SLC13A2: variants seen among roughly 807,000 people sequenced by gnomAD.
SLC13A2 encodes solute carrier family 13 member 2.
A neutral mutation model predicts 58.5 loss-of-function variants in SLC13A2; 40 were observed. The observed-to-expected ratio is 0.68, with a 90% CI of 0.53 to 0.89. The LOEUF is 0.89. SLC13A2 is among the 40% of genes least tolerant of loss of function. The probability of loss-of-function intolerance (pLI) is 0.00; values close to 1 mark genes in which losing one functional copy is unlikely to be tolerated. For synonymous variants in SLC13A2, 341 were observed against 331.6 expected (o/e 1.03, Z -0.31); for missense variants, 694 against 772.6 (o/e 0.90, Z 1.21).
chr17:28,476,947 A>G (rs2151442075), intron 1 of SLC13A2, among the ~76,000 whole-genome samples: 1 of 152,042 alleles, frequency 6.6e-6, no homozygotes, highest in Non-Finnish European at 1.5e-5. Context: ...ACTTGAGGTC[A>G]GGAGTTTGAG....
At chr17:28,488,606 C>A (rs1555602453) in intron 1 of SLC13A2, among the ~76,000 whole-genome samples, 2 of 152,182 alleles carry the variant, frequency 1.3e-5, no homozygotes, top group African/African-American at 4.8e-5. Flanking sequence ...CATTGCCCCA[C>A]AATTCCCTGC....
At chr17:28,492,707 C>T (rs2069052022) in intron 6 of SLC13A2, among the ~76,000 whole-genome samples, 1 of 152,192 alleles carries the variant, frequency 6.6e-6, no homozygotes, top group Non-Finnish European at 1.5e-5. Flanking sequence ...CTGTTTGGAG[C>T]TCTGAGTTGG....
rs782386667 is a variant in SLC13A2 at position 28,493,839 on chromosome 17, C to T, written c.1097+50C>T. 1.6e-5 allele frequency: 25 copies of T among 1,596,676 alleles called. No individual in the cohort carries two copies. In the South Asian group the frequency reaches 1.8e-4, roughly 11 times the overall value. ...AGGACACATCTGGGGCTCACATGCT[C>T]GGGAAGGAGGGAAGGGTATAGGGCC... On this transcript the variant is annotated intron_variant, in intron 7 of 11. Coordinates refer to ENST00000314669, the MANE Select transcript of SLC13A2 (RefSeq NM_003984.4).
chr17:28,495,308 G>T (rs1331427766), intron 9 of SLC13A2, among the ~76,000 whole-genome samples: 1 of 152,192 alleles, frequency 6.6e-6, no homozygotes, highest in African/African-American at 2.4e-5. Flanking sequence ...ACTGGAAGGG[G>T]CAGGAAGAGG....
At chr17:28,481,081 A>T (rs2068775999) in intron 1 of SLC13A2, among the ~76,000 whole-genome samples, 1 of 152,206 alleles carries the variant, frequency 6.6e-6, no homozygotes, top group South Asian at 2.1e-4. Context: ...AAGGCCAGGA[A>T]TGGGAAAGTA....
chr17:28,489,176 G>T (rs1482259218), intron 1 of SLC13A2, 38 bp from the exon 2 acceptor site: 4 of 1,607,098 alleles, frequency 2.5e-6, no homozygotes, highest in Non-Finnish European at 3.4e-6. Flanking sequence ...TGGGACACAG[G>T]CCCTCTGACA....
chr17:28,497,515 G>T lies in SLC13A2; in HGVS notation c.*246G>T. The T allele has an allele frequency of 1.9e-6, 1 of 533,336 alleles. No homozygotes were observed. The highest frequency in any genetic ancestry group is 3.3e-6 in the Non-Finnish European group (1 of 299,898). The allele number at this position is 533,336 out of a possible 1,614,324, so 33.0% of individuals were successfully genotyped here. ...GCCTGCATGGATGTGAGGGGTGTGTGACGTGAGGCTATCTGAGGGGGGCTG... is the reference window on the plus strand; with the variant it reads ...GCCTGCATGGATGTGAGGGGTGTGTTACGTGAGGCTATCTGAGGGGGGCTG... On this transcript the variant is annotated 3_prime_UTR_variant, in exon 12 of 12. Transcript: ENST00000314669.
At chr17:28,487,728 A>G (rs2068908984) in intron 1 of SLC13A2, among the ~76,000 whole-genome samples, 1 of 152,072 alleles carries the variant, frequency 6.6e-6, no homozygotes, top group Non-Finnish European at 1.5e-5. Flanking sequence ...CTGGGGGAGG[A>G]GGGGGCTGGG....
rs143555836 is a variant in SLC13A2, at chr17:28,478,487, A to G, written c.102+4673A>G. Among the ~76,000 whole-genome samples the G allele has an allele frequency of 1.0e-3, 152 of 152,350 alleles. 1 individual carries two copies. The highest frequency in any genetic ancestry group is 3.3e-3 in the African/African-American group (138 of 41,582). ...TCAGAGGAGGGAGCAAATTCTTCCA[A>G]CTGAGTCAAGGGAGAATCTGAAGGA... is the stretch of plus-strand genomic sequence containing the variant. On this transcript the variant is annotated intron_variant, in intron 1 of 11. Coordinates refer to ENST00000314669, the MANE Select transcript of SLC13A2 (RefSeq NM_003984.4).
chr17:28,494,326 G>A lies in SLC13A2; in HGVS notation c.1187-65G>A, dbSNP rs11568460. On this transcript the variant is annotated intron_variant, in intron 8 of 11. Transcript: ENST00000314669. This position sits in a 1 kb window ranked among gnomAD's most constrained non-coding sequence, Gnocchi z 4.0. ...CAAAAGGGACCCACACAGGGAGCCCGCAAATGGAGAGGGGAAAGGCCTGTT... is the reference window on the plus strand; with the variant it reads ...CAAAAGGGACCCACACAGGGAGCCCACAAATGGAGAGGGGAAAGGCCTGTT... The A allele has an allele frequency of 5.5e-3, 8,865 of 1,613,772 alleles. 414 individuals carry two copies. In the African/African-American group the frequency reaches 0.1, roughly 19 times the overall value.
Position 28,494,316 on chromosome 17 carries a change from C to A in SLC13A2, c.1187-75C>A. The A allele has an allele frequency of 6.2e-7, 1 of 1,613,246 alleles. No homozygotes were observed. Among genetic ancestry groups the A allele is most frequent in the Admixed American group, 1.7e-5 (1 of 60,022 alleles). On this transcript the variant is annotated intron_variant, in intron 8 of 11. Transcript: ENST00000314669. This position sits in a 1 kb window ranked among gnomAD's most constrained non-coding sequence, Gnocchi z 4.0. ...CGTTAAGCTCCAAAAGGGACCCACA[C>A]AGGGAGCCCGCAAATGGAGAGGGGA...
chr17:28,491,973 C>A, intron 6 of SLC13A2, 121 bp downstream of exon 6: 1 of 1,388,070 alleles, frequency 7.2e-7, no homozygotes, highest in Non-Finnish European at 9.7e-7. Flanking sequence ...TTCTCCCTCC[C>A]AAAGCCCCTC....
Position 28,494,333 on chromosome 17 carries a change from G to T in SLC13A2, c.1187-58G>T. The T allele has an allele frequency of 1.2e-6, 2 of 1,613,990 alleles. No homozygotes were observed. The highest frequency in any genetic ancestry group is 1.7e-6 in the Non-Finnish European group (2 of 1,180,004). ...GACCCACACAGGGAGCCCGCAAATG[G>T]AGAGGGGAAAGGCCTGTTTGTTCTT... On this transcript the variant is annotated intron_variant, in intron 8 of 11. Coordinates refer to ENST00000314669, the MANE Select transcript of SLC13A2 (RefSeq NM_003984.4). This position sits in a 1 kb window ranked among gnomAD's most constrained non-coding sequence, Gnocchi z 4.0.
At chr17:28,477,388 G>GA (rs1555600203) in intron 1 of SLC13A2, among the ~76,000 whole-genome samples, 12 of 151,588 alleles carry the variant, frequency 7.9e-5, no homozygotes. Context: ...TAGAGACGGG[G>GA]TTTCACCGTG....
intron 1 of SLC13A2, among the ~76,000 whole-genome samples, chr17:28,484,499 G>A (rs1172148648): frequency 6.6e-6 from 1 of 152,102 alleles, no homozygotes; most frequent in African/African-American, 2.4e-5. Flanking sequence ...AAGACATGAG[G>A]CACAGACCAA....
In SLC13A2 at chr17:28,497,405, C is replaced by A; in HGVS notation, c.*136C>A. The A allele has an allele frequency of 6.3e-6, 6 of 949,092 alleles. No individual in the cohort carries two copies. The highest frequency in any genetic ancestry group is 9.3e-6 in the Non-Finnish European group (6 of 647,178). The allele number at this position is 949,092 out of a possible 1,614,324, so 58.8% of individuals were successfully genotyped here. On this transcript the variant is annotated 3_prime_UTR_variant, in exon 12 of 12. Transcript: ENST00000314669. ...AGGCACGTGTGTACATAATCTCTTG[C>A]GTGTCTGTAAGGAAGGGGTGTATGC...
Position 28,473,865 on chromosome 17 carries a change from ACTGT to A in SLC13A2, c.102+55_102+58del, listed in dbSNP as rs1567840737. ...GATAACTCCAGGGGGCAGAGGAGGG[ACTGT>A]CTGGGCCGGGGTTGGGCATCCTTAG... On this transcript the variant is annotated intron_variant, in intron 1 of 11. Transcript: ENST00000314669. The A allele has an allele frequency of 2.0e-6, 3 of 1,525,056 alleles. No homozygotes were observed. In the African/African-American group the frequency reaches 4.1e-5, roughly 21 times the overall value. The allele number at this position is 1,525,056 out of a possible 1,614,324, so 94.5% of individuals were successfully genotyped here. A position where few individuals can be genotyped will look rare whatever the true frequency, so the allele number is the denominator to read the frequency against.
intron 6 of SLC13A2, among the ~76,000 whole-genome samples, chr17:28,493,120 C>A (rs1236103489): frequency 6.6e-6 from 1 of 152,154 alleles, no homozygotes; most frequent in African/African-American, 2.4e-5. Flanking sequence ...AAGTCAGCAG[C>A]AGAAGGAAGT....
chr17:28,489,187 G>C, intron 1 of SLC13A2, 27 bp from the exon 2 acceptor site: 2 of 1,610,220 alleles, frequency 1.2e-6, no homozygotes, highest in South Asian at 1.1e-5. Flanking sequence ...CCCTCTGACA[G>C]CTCTGCCGCT....
Sources: allele counts gnomAD v4.1 joint callset (sites outside exome capture counted in the v4.1 genomes callset), GRCh38; gene constraint gnomAD v4.1.1; non-coding constraint Gnocchi (gnomAD v3.1); transcripts MANE v1.5; gene names NCBI Gene and HGNC (gene_info 2026-07-23, HGNC 2026-07-21).